LIN9: variants seen among roughly 807,000 people sequenced by gnomAD.
LIN9 encodes lin-9 DREAM MuvB core complex component.
LIN9 carries 18 observed loss-of-function variants against 78.0 expected under a neutral mutation model. The observed-to-expected ratio is 0.23, with a 90% CI of 0.16 to 0.34. LIN9 has a LOEUF of 0.34. Ranked by LOEUF, LIN9 falls within the 10% of genes least tolerant of loss-of-function variation. The pLI, the probability that LIN9 is intolerant of heterozygous loss-of-function variation, is 1.00. For synonymous variants in LIN9, 192 were observed against 215.2 expected (o/e 0.89, Z 0.94); for missense variants, 451 against 644.1 (o/e 0.70, Z 3.25).
rs541710014 is a variant in LIN9, at chr1:226,246,563, A to G, written c.1119+4276T>C. On this transcript the variant is annotated intron_variant, in intron 11 of 14. Coordinates refer to ENST00000681046, the MANE Select transcript of LIN9 (RefSeq NM_001366245.2). ...TTTGGGAGGCCAAGGCTGGTGGATC[A>G]TGAGGTCAGGAGATCGAGACCATCC... Among the ~76,000 whole-genome samples, 6 of 151,834 alleles carry G rather than the reference A, an allele frequency of 4.0e-5. No individual in the cohort carries two copies. The East Asian group carries it at 7.7e-4, about 20-fold the overall frequency.
chr1:226,285,013 GAAA>G (rs1661306622), intron 6 of LIN9, among the ~76,000 whole-genome samples: 1 of 151,978 alleles, frequency 6.6e-6, no homozygotes, highest in Non-Finnish European at 1.5e-5. Flanking sequence ...CTCAAAGAAA[GAAA>G]AACTACACAT....
At chr1:226,249,064 G>C (rs1476407112) in intron 11 of LIN9, among the ~76,000 whole-genome samples, 3 of 152,164 alleles carry the variant, frequency 2.0e-5, no homozygotes, top group African/African-American at 4.8e-5. Flanking sequence ...CTGGGCAAAG[G>C]CAAGCCCAGT....
intron 11 of LIN9, among the ~76,000 whole-genome samples, chr1:226,247,211 C>T (rs1265205215): frequency 6.6e-6 from 1 of 151,958 alleles, no homozygotes; most frequent in African/African-American, 2.4e-5. Context: ...TTCCAGTTCT[C>T]TTCTAAAATT....
chr1:226,293,225 TGAA>T (rs539741141), intron 4 of LIN9, among the ~76,000 whole-genome samples: 88 of 152,318 alleles, frequency 5.8e-4, no homozygotes, highest in African/African-American at 2.0e-3. Flanking sequence ...TTCACATACT[TGAA>T]GAAGTCTCAT....
intron 4 of LIN9, among the ~76,000 whole-genome samples, chr1:226,289,505 G>A (rs1257572536): frequency 6.6e-6 from 1 of 152,070 alleles, no homozygotes; most frequent in Admixed American, 6.6e-5. Flanking sequence ...TGGGACTGCA[G>A]GCATGTGCCA....
chr1:226,267,228 G>C (rs1466920383), intron 8 of LIN9, among the ~76,000 whole-genome samples: 1 of 68,720 alleles, frequency 1.5e-5, no homozygotes, highest in Non-Finnish European at 3.0e-5. Context: ...CTGCACTAAG[G>C]AGATATATAT....
At chr1:226,294,804 C>CT (rs895301335) in intron 4 of LIN9, among the ~76,000 whole-genome samples, 406 of 145,604 alleles carry the variant, frequency 2.8e-3, no homozygotes, top group South Asian at 5.9e-3. Flanking sequence ...TACATGTCTA[C>CT]TTTTTTTTTT....
At chr1:226,309,648 T>A, upstream of LIN9, 1 of 1,277,536 alleles carries the variant, frequency 7.8e-7, no homozygotes, top group South Asian at 1.2e-5. Flanking sequence ...CCACGTTGCT[T>A]GGGCGCCTCC....
In LIN9 at chr1:226,301,178, A is replaced by C; in HGVS notation, c.59T>G (p.Leu20Ter). Reference protein sequence around the residue: ...ESSSAKALVSLKEGSLSNTWN... With the variant: ...ESSSAKALVS ...AAAAATGCTATACTTCTTACCTTTT[A>C]AACTGACAAGGGCTTTTGCTGAAGA... is the stretch of plus-strand genomic sequence containing the variant. Residue 20 changes from leucine to a stop codon, truncating the protein, a stop_gained, in exon 2 of 15, where the codon TTA becomes TGA. Transcript: ENST00000681046. LOFTEE classifies it high-confidence loss of function. The C allele has an allele frequency of 6.2e-7, 1 of 1,601,964 alleles. No individual in the cohort carries two copies. Among genetic ancestry groups the C allele is most frequent in the Non-Finnish European group, 8.5e-7 (1 of 1,177,086 alleles).
intron 10 of LIN9, among the ~76,000 whole-genome samples, chr1:226,256,221 T>C (rs1328371219): frequency 6.6e-6 from 1 of 150,520 alleles, no homozygotes; most frequent in Non-Finnish European, 1.5e-5. Context: ...CATCTCTACA[T>C]ACTAAAAAAA....
At chr1:226,305,199 G>A (rs1486314252) in intron 1 of LIN9, among the ~76,000 whole-genome samples, 1 of 151,472 alleles carries the variant, frequency 6.6e-6, no homozygotes, top group East Asian at 1.9e-4. Context: ...GCCCTGCATG[G>A]TGGCTGAAGC....
chr1:226,309,176 G>A, upstream of LIN9: 1 of 1,411,226 alleles, frequency 7.1e-7, no homozygotes, highest in South Asian at 1.7e-5. Context: ...AAGGCTGCCC[G>A]CCGCGGTGCA....
intron 10 of LIN9, among the ~76,000 whole-genome samples, chr1:226,254,729 G>A (rs960597772): frequency 8.6e-5 from 13 of 151,890 alleles, no homozygotes; most frequent in Non-Finnish European, 1.5e-4. Flanking sequence ...GGCTAACACG[G>A]TGAAACCCCA....
chr1:226,233,674 AAC>A lies in LIN9; in HGVS notation c.1246-153_1246-152del, dbSNP rs535905586. 251 of 455,796 alleles carry A rather than the reference AAC, an allele frequency of 5.5e-4. 4 individuals are homozygous for A. The East Asian group carries it at 8.7e-3, about 16-fold the overall frequency. 28.2% of individuals were successfully genotyped at this position (455,796 alleles called of 1,614,324 possible). On this transcript the variant is annotated intron_variant, in intron 12 of 14. Coordinates refer to ENST00000681046, the MANE Select transcript of LIN9 (RefSeq NM_001366245.2). ...CTTACCTTAGAAGTTTTTTTCCTTT[AAC>A]AGTTTCTGATTTTCTATTTTTTGTA...
At chr1:226,277,968 C>G in intron 6 of LIN9, 36 bp from the exon 7 acceptor site, 1 of 1,496,988 alleles carries the variant, frequency 6.7e-7, no homozygotes, top group South Asian at 1.2e-5. Context: ...AAACTGATAA[C>G]TACCCCATAT....
At chr1:226,237,616 G>GTAA (rs1657804041) in intron 12 of LIN9, among the ~76,000 whole-genome samples, 4 of 107,058 alleles carry the variant, frequency 3.7e-5, no homozygotes, top group Admixed American at 9.4e-5. Flanking sequence ...TGGGCAACAA[G>GTAA]GGCGAAACTC....
intron 2 of LIN9, among the ~76,000 whole-genome samples, chr1:226,298,759 G>A (rs1204511825): frequency 6.6e-6 from 1 of 152,040 alleles, no homozygotes; most frequent in Admixed American, 6.6e-5. Flanking sequence ...TATTCAGGAG[G>A]CTGAGGCAGA....
intron 2 of LIN9, among the ~76,000 whole-genome samples, chr1:226,300,002 G>A (rs1435015006): frequency 5.3e-5 from 8 of 150,886 alleles, no homozygotes; most frequent in South Asian, 2.1e-4. Context: ...GTGGTGGCGC[G>A]ATCTTGGCTT....
At chr1:226,303,516 A>G (rs1356749119) in intron 1 of LIN9, among the ~76,000 whole-genome samples, 1 of 152,202 alleles carries the variant, frequency 6.6e-6, no homozygotes, top group African/African-American at 2.4e-5. Context: ...AGGCCATAAG[A>G]ATATCCACTC....
Sources: gnomAD v4.1 joint callset for allele counts (sites outside exome capture counted in the v4.1 genomes callset) on GRCh38, gnomAD v4.1.1 for gene constraint, MANE v1.5 for transcripts, NCBI Gene and HGNC (gene_info 2026-07-23, HGNC 2026-07-21) for gene names.